KCNIP4: variants seen among roughly 807,000 people sequenced by gnomAD.
The protein encoded by KCNIP4 is Kv channel-interacting protein 4.
A neutral mutation model predicts 34.0 loss-of-function variants in KCNIP4; 12 were observed. That is an observed-to-expected ratio of 0.35 (90% CI 0.23 to 0.57). The LOEUF (loss-of-function observed/expected upper bound fraction) is 0.57. Among genes scored for constraint, KCNIP4 ranks in the 20% least tolerant of loss-of-function variants. The pLI is 0.83. For synonymous variants in KCNIP4, 124 were observed against 102.2 expected, an observed-to-expected ratio of 1.21 and a Z score of -1.29; for missense variants, 238 against 311.7, an observed-to-expected ratio of 0.76 and a Z score of 1.78.
intron 1 of KCNIP4, among the ~76,000 whole-genome samples, chr4:21,761,407 G>C (rs1165252695): frequency 6.6e-6 from 1 of 151,944 alleles, no homozygotes; most frequent in Non-Finnish European, 1.5e-5. Context: ...AAAAAATAAT[G>C]AATTATTTGT....
chr4:20,814,697 C>T (rs1037557483), intron 3 of KCNIP4, among the ~76,000 whole-genome samples: 1 of 152,062 alleles, frequency 6.6e-6, no homozygotes, highest in African/African-American at 2.4e-5. Context: ...GAGGAGGATC[C>T]CTAATACAAG....
intron 3 of KCNIP4, among the ~76,000 whole-genome samples, chr4:20,810,636 C>A (rs1308544357): frequency 1.3e-5 from 2 of 152,072 alleles, no homozygotes; most frequent in South Asian, 2.1e-4. Flanking sequence ...ATCATCATCT[C>A]ATAACATTTT....
chr4:20,901,334 A>G (rs1035983156), intron 1 of KCNIP4, among the ~76,000 whole-genome samples: 1 of 152,198 alleles, frequency 6.6e-6, no homozygotes, highest in Admixed American at 6.5e-5. Context: ...TGTAATAAGG[A>G]CATTGGTACT....
chr4:20,981,743 C>A (rs1484360787), intron 1 of KCNIP4, among the ~76,000 whole-genome samples: 1 of 152,174 alleles, frequency 6.6e-6, no homozygotes, highest in African/African-American at 2.4e-5. Flanking sequence ...TGATAACCTG[C>A]ATCCTTGTAT....
intron 1 of KCNIP4, among the ~76,000 whole-genome samples, chr4:21,457,506 A>G (rs1371217670): frequency 1.3e-5 from 2 of 151,968 alleles, no homozygotes; most frequent in South Asian, 2.1e-4. Context: ...CCATCCATAA[A>G]ACAATCAGAA....
At chr4:21,580,029 C>T (rs16871492) in intron 1 of KCNIP4, among the ~76,000 whole-genome samples, 9,914 of 152,010 alleles carry the variant, frequency 0.065, 473 homozygotes, top group African/African-American at 0.13. Flanking sequence ...AATATAGGTG[C>T]CCAAATATGT....
chr4:21,640,601 C>T (rs546194140), intron 1 of KCNIP4, among the ~76,000 whole-genome samples: 1 of 152,290 alleles, frequency 6.6e-6, no homozygotes, highest in East Asian at 1.9e-4. Context: ...AACCAACCAA[C>T]CAACCAACCA....
intron 1 of KCNIP4, among the ~76,000 whole-genome samples, chr4:21,214,014 T>A (rs966258109): frequency 6.6e-6 from 1 of 152,218 alleles, no homozygotes; most frequent in African/African-American, 2.4e-5. Flanking sequence ...AATGAATGAC[T>A]GGGTGCAATT....
rs114263053 is a variant in KCNIP4 at position 21,321,622 on chromosome 4, G to C, written c.62-438913C>G. On this transcript the variant is annotated intron_variant, in intron 1 of 8. Transcript: ENST00000382152. ...AGAGGGAGAAGAAGGGAGAATAAAA[G>C]AACAGGAGTATGAGGAAGAAGAAAA... Among the ~76,000 whole-genome samples, 322 of 151,602 alleles carry C rather than the reference G, an allele frequency of 2.1e-3. 2 individuals are homozygous for C. Among genetic ancestry groups the C allele is most frequent in the African/African-American group, 7.3e-3 (301 of 41,294 alleles).
chr4:20,959,223 C>A (rs1016876744), intron 1 of KCNIP4, among the ~76,000 whole-genome samples: 7 of 152,332 alleles, frequency 4.6e-5, no homozygotes, highest in African/African-American at 1.7e-4. Flanking sequence ...TGGCCCCCTA[C>A]TACAGGTAGC....
intron 1 of KCNIP4, among the ~76,000 whole-genome samples, chr4:21,422,644 C>T (rs1330890440): frequency 1.4e-5 from 2 of 143,034 alleles, no homozygotes; most frequent in Non-Finnish European, 3.0e-5. Context: ...GGGGAAACAT[C>T]GTTTATGTGT....
At chr4:21,352,134 A>G (rs1343788397) in intron 1 of KCNIP4, among the ~76,000 whole-genome samples, 2 of 152,208 alleles carry the variant, frequency 1.3e-5, no homozygotes, top group Non-Finnish European at 2.9e-5. Context: ...CAGCACTAAA[A>G]AAAGAAAAAA....
intron 1 of KCNIP4, among the ~76,000 whole-genome samples, chr4:20,884,724 T>G (rs930970148): frequency 6.6e-6 from 1 of 150,654 alleles, no homozygotes; most frequent in East Asian, 1.9e-4. Context: ...TTTTTTTTTT[T>G]CAAGACAGAG....
At chr4:20,878,958 T>A (rs945815450) in intron 2 of KCNIP4, among the ~76,000 whole-genome samples, 1 of 152,040 alleles carries the variant, frequency 6.6e-6, no homozygotes, top group Admixed American at 6.6e-5. Context: ...GGGTGGGGGA[T>A]CATTAAGCAG....
chr4:21,278,777 T>G (rs767783510), intron 1 of KCNIP4, among the ~76,000 whole-genome samples: 10 of 152,156 alleles, frequency 6.6e-5, no homozygotes, highest in Non-Finnish European at 1.5e-4. Context: ...GAATTACAGT[T>G]TGAGATTAAA....
chr4:21,600,688 T>G (rs534105023), intron 1 of KCNIP4, among the ~76,000 whole-genome samples: 2 of 152,206 alleles, frequency 1.3e-5, no homozygotes, highest in East Asian at 3.9e-4. Context: ...TGGTAAACAC[T>G]CATGCTCTGC....
At chr4:21,835,488 C>T (rs1042066600) in intron 1 of KCNIP4, among the ~76,000 whole-genome samples, 4 of 133,620 alleles carry the variant, frequency 3.0e-5, no homozygotes, top group African/African-American at 1.0e-4. Context: ...CCCTGTGAAT[C>T]AATCCAAGCT....
At chr4:21,814,802 C>T (rs1264013421) in intron 1 of KCNIP4, among the ~76,000 whole-genome samples, 1 of 152,128 alleles carries the variant, frequency 6.6e-6, no homozygotes, top group East Asian at 1.9e-4. Flanking sequence ...TTCCCCCAGG[C>T]ATGTGATGTG....
intron 1 of KCNIP4, among the ~76,000 whole-genome samples, chr4:21,940,150 C>T (rs1001473869): frequency 1.3e-5 from 2 of 152,098 alleles, no homozygotes; most frequent in African/African-American, 4.8e-5. Context: ...TTTTTAAAAT[C>T]TTTAAAATAG....
Sources: allele counts gnomAD v4.1 joint callset (sites outside exome capture counted in the v4.1 genomes callset), GRCh38; gene constraint gnomAD v4.1.1; transcripts MANE v1.5; gene names NCBI Gene and HGNC (gene_info 2026-07-23, HGNC 2026-07-21).